The following TEDC1 variants were observed in gnomAD, a reference collection of about 807,000 sequenced individuals.
TEDC1 encodes tubulin epsilon and delta complex protein 1.
Under a neutral mutation model 59.9 loss-of-function variants are expected in TEDC1, and 54 were observed. The observed-to-expected ratio is 0.90, with a 90% CI of 0.72 to 1.13. The LOEUF is 1.13. TEDC1 is among the 50% of genes most tolerant of loss of function. The pLI is 0.00. For synonymous variants in TEDC1, 353 were observed against 298.1 expected (o/e 1.18, Z -1.90); for missense variants, 734 against 683.4 (o/e 1.07, Z -0.83).
rs1240842506 is a variant in TEDC1 at position 105,491,969 on chromosome 14, T to G, written c.227-138T>G. ...CTGGTCTCCTCATCCTGGTCTGAGTTCTAGCTCTCCCACTATCATCTCTTC... is the reference window on the plus strand; with the variant it reads ...CTGGTCTCCTCATCCTGGTCTGAGTGCTAGCTCTCCCACTATCATCTCTTC... On this transcript the variant is annotated intron_variant, in intron 2 of 8. Coordinates refer to ENST00000392523, the MANE Select transcript of TEDC1 (RefSeq NM_001367178.1). 7 of 989,572 alleles carry G rather than the reference T, an allele frequency of 7.1e-6. No individual in the cohort carries two copies. In the East Asian group the frequency reaches 1.8e-4, roughly 26 times the overall value. 61.3% of individuals were successfully genotyped at this position (989,572 alleles called of 1,614,324 possible). A position where few individuals can be genotyped will look rare whatever the true frequency, so the allele number is the denominator to read the frequency against.
At chr14:105,491,806 A>C (rs1421613195) in intron 2 of TEDC1, 106 bp downstream of exon 2, 4 of 1,133,842 alleles carry the variant, frequency 3.5e-6, no homozygotes, top group Admixed American at 3.0e-5. Flanking sequence ...TCTAGCCCCC[A>C]CCCAACACTG....
chr14:105,492,578 G>T lies in TEDC1; in HGVS notation c.430-1G>T. On this transcript the variant is annotated splice_acceptor_variant, in intron 3 of 8. Coordinates refer to ENST00000392523, the MANE Select transcript of TEDC1 (RefSeq NM_001367178.1). LOFTEE classifies it high-confidence loss of function. ...AGGGCCTGACCCTTGCCCCTCTCCA[G>T]TGTGAGGCCCTGGCCAGCCCTGGCC... 1 of 1,538,088 alleles carries T rather than the reference G, an allele frequency of 6.5e-7. No individual in the cohort carries two copies. The highest frequency in any genetic ancestry group is 8.7e-7 in the Non-Finnish European group (1 of 1,146,728).
At chr14:105,490,832 T>TCCGGAGTCTGCGCGCTC (rs2084189310), upstream of TEDC1, 4 of 639,920 alleles carry the variant, frequency 6.3e-6, no homozygotes, top group Non-Finnish European at 1.1e-5. Flanking sequence ...CAGGGCGCCT[T>TCCGGAGTCTGCGCGCTC]CCGGAGTCTG....
intron 5 of TEDC1, 199 bp downstream of exon 5, chr14:105,494,132 C>G (rs2084287782): frequency 3.4e-6 from 2 of 595,758 alleles, no homozygotes; most frequent in South Asian, 3.9e-5. Context: ...TCATGGGCCA[C>G]TCACCCTTCC....
At chr14:105,491,746 C>T (rs782676442) in intron 2 of TEDC1, 46 bp downstream of exon 2, 16 of 1,523,056 alleles carry the variant, frequency 1.1e-5, no homozygotes, top group Non-Finnish European at 1.3e-5. Context: ...ACTGGCCCCG[C>T]CTACTCCTGT....
In TEDC1 at chr14:105,498,817, G is replaced by A. The variant is rs200161492; in HGVS notation, c.1359G>A (p.Arg453=). ...ACCTGCGGGCAGCTGTGGTGATCAGGACGCTGAGGAGCCAGGAGGCCTGCC... is the reference window on the plus strand; with the variant it reads ...ACCTGCGGGCAGCTGTGGTGATCAGAACGCTGAGGAGCCAGGAGGCCTGCC... ...DRDLRAAVVI[R]TLRSQEACLE... is the part of the protein sequence containing the mutation. The change falls in exon 9 of 9, where the codon AGG becomes AGA. Residue 453 remains arginine, a synonymous_variant. Coordinates refer to ENST00000392523, the MANE Select transcript of TEDC1 (RefSeq NM_001367178.1). 8.5e-5 allele frequency: 136 copies of A among 1,601,566 alleles called. No homozygotes were observed. The highest frequency in any genetic ancestry group is 1.1e-4 in the Non-Finnish European group (132 of 1,175,440).
intron 5 of TEDC1, chr14:105,494,263 G>C (rs982354495): frequency 2.6e-6 from 1 of 385,534 alleles, no homozygotes. Flanking sequence ...GTGTGAGCTG[G>C]TGGTGTTGGC....
At position 105,492,510 on chromosome 14, in the gene TEDC1, T is replaced by A. The variant is rs1462282588; in HGVS notation, c.430-69T>A. On this transcript the variant is annotated intron_variant, in intron 3 of 8. Transcript: ENST00000392523. ...GTTTTTGGCTGTGCCTCCACTACCG[T>A]CTCCATCCTGGCCTTTTCTGGGGGG... 8.7e-6 allele frequency: 13 copies of A among 1,502,890 alleles called. No homozygotes were observed. In the Admixed American group the frequency reaches 1.9e-4, roughly 22 times the overall value. 93.1% of individuals were successfully genotyped at this position (1,502,890 alleles called of 1,614,324 possible).
Position 105,493,870 on chromosome 14 carries a change from G to C in TEDC1, c.621G>C (p.Gln207His), listed in dbSNP as rs782726555. The change falls in exon 5 of 9, where the codon CAG becomes CAC. Residue 207 changes from glutamine to histidine, a missense_variant. Coordinates refer to ENST00000392523, the MANE Select transcript of TEDC1 (RefSeq NM_001367178.1). The stretch of plus-strand genomic sequence containing the variant: ...ACACACGCGGCTGCCACAGCGACCA[G>C]AGCCTTAGCCATCTGTCTGTCACTG... ...HLYTRGCHSD[Q>H]SLSHLSVTEA... The C allele has an allele frequency of 1.2e-6, 2 of 1,605,288 alleles. No homozygotes were observed. The highest frequency in any genetic ancestry group is 1.7e-6 in the Non-Finnish European group (2 of 1,179,092).
In TEDC1 at chr14:105,497,469, C is replaced by T. The variant is rs375874494; in HGVS notation, c.978+26C>T. 10 of 1,539,074 alleles carry T rather than the reference C, an allele frequency of 6.5e-6. No individual in the cohort carries two copies. In the South Asian group the frequency reaches 1.2e-4, roughly 18 times the overall value. Reference sequence around the variant, plus strand: ...GTGAGGAAGCCCGCGCATCCCTCTCCCGGCATCCCTTCCCACAGCAGCCCC... The same window carrying T: ...GTGAGGAAGCCCGCGCATCCCTCTCTCGGCATCCCTTCCCACAGCAGCCCC... On this transcript the variant is annotated intron_variant, in intron 7 of 8. Coordinates refer to ENST00000392523, the MANE Select transcript of TEDC1 (RefSeq NM_001367178.1).
chr14:105,497,951 C>T lies in TEDC1; in HGVS notation c.1132C>T (p.Arg378Cys), dbSNP rs377013279. The T allele has an allele frequency of 3.1e-5, 48 of 1,537,472 alleles. No individual in the cohort carries two copies. The highest frequency in any genetic ancestry group is 3.9e-5 in the Non-Finnish European group (45 of 1,141,690). ...GGAGGAGCTGCGGGAGGCTGCGGAG[C>T]GCAGGCGGGCGGCCTGGGAGGCCAA... ...LEEELREAAE[R>C]RRAAWEAKAG... The change falls in exon 8 of 9, where the codon CGC (arginine) becomes TGC (cysteine). Residue 378 changes from arginine to cysteine, a missense_variant. Transcript: ENST00000392523.
chr14:105,498,540 T>C, intron 8 of TEDC1, 77 bp from the exon 9 acceptor site: 1 of 1,417,332 alleles, frequency 7.1e-7, no homozygotes, highest in Non-Finnish European at 9.4e-7. Flanking sequence ...CACCTGAGTC[T>C]GGGCTCAGGG....
rs1460538133 is a variant in TEDC1, at chr14:105,497,490, G to GCC, written c.978+51_978+52dup. The GCC allele has an allele frequency of 2.6e-6, 4 of 1,527,856 alleles. No individual in the cohort carries two copies. The African/African-American group carries it at 5.5e-5, about 21-fold the overall frequency. 94.6% of individuals were successfully genotyped at this position (1,527,856 alleles called of 1,614,324 possible). A position where few individuals can be genotyped will look rare whatever the true frequency, so the allele number is the denominator to read the frequency against. ...TCTCCCGGCATCCCTTCCCACAGCA[G>GCC]CCCCCAGGTGGGGCATTCGGGATCT... On this transcript the variant is annotated intron_variant, in intron 7 of 8. Transcript: ENST00000392523.
chr14:105,496,199 C>T (rs1209231280), intron 6 of TEDC1, 113 bp downstream of exon 6: 5 of 1,032,250 alleles, frequency 4.8e-6, no homozygotes, highest in Admixed American at 5.3e-5. Flanking sequence ...CCACCCCTGG[C>T]CCTTACCTTC....
rs2084200746 is a variant in TEDC1 at position 105,491,323 on chromosome 14, G to C, written c.-53G>C. The C allele has an allele frequency of 7.5e-6, 11 of 1,469,760 alleles. No individual in the cohort carries two copies. Among genetic ancestry groups the C allele is most frequent in the African/African-American group, 1.4e-5 (1 of 71,026 alleles). The allele number at this position is 1,469,760 out of a possible 1,614,324, so 91.0% of individuals were successfully genotyped here. On this transcript the variant is annotated 5_prime_UTR_variant, in exon 1 of 9. Transcript: ENST00000392523. ...CCGGCCCGTGCGGTGATTGGACGCAGGCCCCGGGCCGCGGCGGAGGCGGGC... is the reference window on the plus strand; with the variant it reads ...CCGGCCCGTGCGGTGATTGGACGCACGCCCCGGGCCGCGGCGGAGGCGGGC...
At chr14:105,495,161 AC>A (rs1303437064) in intron 5 of TEDC1, 18 of 152,486 alleles carry the variant, frequency 1.2e-4, no homozygotes, top group African/African-American at 4.3e-4. Context: ...GCGTGAGCCA[AC>A]CACTTGGGCT....
At chr14:105,491,597 A>G in intron 1 of TEDC1, 25 bp from the exon 2 acceptor site, 1 of 1,548,210 alleles carries the variant, frequency 6.5e-7, no homozygotes. Context: ...GGCTCCGCTG[A>G]CCGCCCGCTT....
rs1555439368 is a variant in TEDC1 at position 105,491,675 on chromosome 14, C to T, written c.201C>T (p.Gly67=). The T allele has an allele frequency of 6.5e-7, 1 of 1,549,518 alleles. No individual in the cohort carries two copies. The highest frequency in any genetic ancestry group is 2.4e-5 in the East Asian group (1 of 40,912). The stretch of plus-strand genomic sequence containing the variant: ...GTGTGCTCTCGCCACTCCCTGCGGG[C>T]AACGCCTTGGCATCGCTCGCCCTGG... The part of the protein sequence containing the change: ...LFRVLSPLPA[G]NALASLALEV... The change falls in exon 2 of 9, where the codon GGC becomes GGT. Residue 67 remains glycine (G), a synonymous_variant. Transcript: ENST00000392523.
At chr14:105,497,220 A>G in intron 6 of TEDC1, 137 bp from the exon 7 acceptor site, 2 of 840,752 alleles carry the variant, frequency 2.4e-6, no homozygotes, top group Non-Finnish European at 3.8e-6. Flanking sequence ...ACCTGGGCGC[A>G]GGCAGGGGAG....
Sources: allele counts gnomAD v4.1 joint callset, GRCh38; gene constraint gnomAD v4.1.1; transcripts MANE v1.5; gene names NCBI Gene and HGNC (gene_info 2026-07-23, HGNC 2026-07-21).